DPH6: variants seen among roughly 807,000 people sequenced by gnomAD.
DPH6 encodes diphthamine biosynthesis 6.
A neutral mutation model predicts 38.2 loss-of-function variants in DPH6; 33 were observed. The ratio of observed to expected loss-of-function variants is 0.86; its 90% confidence interval spans 0.65 to 1.15. The LOEUF is 1.15. Among genes scored for constraint, DPH6 ranks in the 50% most tolerant of loss-of-function variants. The probability of loss-of-function intolerance (pLI) is 0.00; values close to 1 mark genes in which losing one functional copy is unlikely to be tolerated. For missense variants in DPH6, 325 were observed against 320.0 expected, an observed-to-expected ratio of 1.02 and a Z score of -0.12; for synonymous variants, 108 against 103.0, an observed-to-expected ratio of 1.05 and a Z score of -0.30.
chr15:35,308,859 A>C (rs539502284), intron 3 of DPH6, among the ~76,000 whole-genome samples: 1 of 152,372 alleles, frequency 6.6e-6, no homozygotes, highest in South Asian at 2.1e-4. Context: ...AGTACTGCCA[A>C]AATAAACAAG....
At position 35,447,793 on chromosome 15, in the gene DPH6, CA is replaced by C. The variant is rs1186634251; in HGVS notation, c.505+2891del. On this transcript the variant is annotated intron_variant, in intron 5 of 8. Transcript: ENST00000256538. ...TCGAGCCTAGGACCATTGGATCAGG[CA>C]AAACTAACAAAAAAAAAATCTACGA... 3.3e-5 allele frequency among the ~76,000 whole-genome samples: 5 copies of C among 150,096 alleles called. No homozygotes were observed. In the East Asian group the frequency reaches 9.7e-4, roughly 29 times the overall value.
chr15:35,148,078 TAC>T, the DPH6 span, among the ~76,000 whole-genome samples: 8 of 152,346 alleles, frequency 5.3e-5, no homozygotes, highest in Non-Finnish European at 1.2e-4. Context: ...TATATTTATC[TAC>T]AATTACTGTA....
chr15:35,401,110 G>C, intron 6 of DPH6: 1 of 912,256 alleles, frequency 1.1e-6, no homozygotes, highest in Non-Finnish European at 1.8e-6. Context: ...TGTAACCTTT[G>C]ATGACCATGA....
At chr15:35,283,223 T>C (rs2051914271) in intron 3 of DPH6, among the ~76,000 whole-genome samples, 2 of 150,164 alleles carry the variant, frequency 1.3e-5, no homozygotes, top group African/African-American at 4.9e-5. Context: ...TTCCTCTTCT[T>C]TCTTCTTTCT....
rs57530358 is a variant in DPH6, at chr15:35,397,868, TAC to T, written c.567+12965_567+12966del. Among the ~76,000 whole-genome samples, 733 of 87,292 alleles carry T rather than the reference TAC, an allele frequency of 8.4e-3. 19 individuals are homozygous for T. In the East Asian group the frequency reaches 0.1, roughly 12 times the overall value. The allele number at this position is 87,292 out of a possible 152,430, so 57.3% of individuals were successfully genotyped here. On this transcript the variant is annotated intron_variant, in intron 6 of 8. Coordinates refer to ENST00000256538, the MANE Select transcript of DPH6 (RefSeq NM_080650.4). The stretch of plus-strand genomic sequence containing the variant: ...AATAGATGGAATCAATTTATATATA[TAC>T]ACACACACACACACACACACACACA...
the DPH6 span, among the ~76,000 whole-genome samples, chr15:35,210,754 G>A: frequency 1.3e-5 from 2 of 152,066 alleles, no homozygotes; most frequent in African/African-American, 4.8e-5. Flanking sequence ...ATAGGACTAG[G>A]AGAAAGATCT....
At chr15:35,410,137 A>G (rs1040436582) in intron 6 of DPH6, among the ~76,000 whole-genome samples, 2 of 151,838 alleles carry the variant, frequency 1.3e-5, no homozygotes, top group East Asian at 3.9e-4. Flanking sequence ...CAAGAAAATG[A>G]TGACTTGTTA....
the DPH6 span, among the ~76,000 whole-genome samples, chr15:35,197,472 T>C: frequency 6.6e-6 from 1 of 152,124 alleles, no homozygotes; most frequent in African/African-American, 2.4e-5. Flanking sequence ...AAAAAAAATC[T>C]GATTAATGGC....
chr15:35,338,162 A>G (rs1396058443), intron 3 of DPH6, among the ~76,000 whole-genome samples: 1 of 152,212 alleles, frequency 6.6e-6, no homozygotes, highest in Non-Finnish European at 1.5e-5. Flanking sequence ...AATGGCAACA[A>G]AAGCCAAAAC....
At chr15:35,268,862 T>C (rs1215737010) in intron 3 of DPH6, among the ~76,000 whole-genome samples, 1 of 151,694 alleles carries the variant, frequency 6.6e-6, no homozygotes, top group Non-Finnish European at 1.5e-5. Context: ...GCTGGCAAGG[T>C]AGGAAGAGGG....
At chr15:35,535,297 T>C (rs2055152658) in intron 3 of DPH6, among the ~76,000 whole-genome samples, 1 of 152,098 alleles carries the variant, frequency 6.6e-6, no homozygotes, top group African/African-American at 2.4e-5. Flanking sequence ...CTGTCAATGA[T>C]CTGAGGAAAA....
intron 4 of DPH6, among the ~76,000 whole-genome samples, chr15:35,453,988 AT>A (rs57185950): frequency 0.071 from 10,796 of 151,864 alleles, 673 homozygotes; most frequent in African/African-American, 0.16. Flanking sequence ...ATGCAGTCCA[AT>A]TTTTTTTGTT....
chr15:35,541,427 C>G (rs11632044), intron 2 of DPH6, among the ~76,000 whole-genome samples: 8,631 of 152,186 alleles, frequency 0.057, 276 homozygotes, highest in Middle Eastern at 0.085. Context: ...GATATGATCT[C>G]TCTTCTCAAG....
At chr15:35,237,403 C>A in intron 3 of DPH6, 1 of 1,604,922 alleles carries the variant, frequency 6.2e-7, no homozygotes, top group Middle Eastern at 1.7e-4. Flanking sequence ...TCCTGGACAA[C>A]AGTCGGTCGA....
intron 3 of DPH6, among the ~76,000 whole-genome samples, chr15:35,471,491 T>C (rs2054197867): frequency 6.6e-6 from 1 of 152,192 alleles, no homozygotes; most frequent in Admixed American, 6.5e-5. Context: ...CTTCTCAAAA[T>C]CAATCCCTCC....
chr15:35,342,811 T>C, intron 3 of DPH6, among the ~76,000 whole-genome samples: 1 of 152,234 alleles, frequency 6.6e-6, no homozygotes, highest in East Asian at 1.9e-4. Flanking sequence ...TGTTTTTCTT[T>C]ATAATTTTAA....
intron 3 of DPH6, among the ~76,000 whole-genome samples, chr15:35,286,754 T>C (rs1021628350): frequency 4.6e-5 from 7 of 152,212 alleles, no homozygotes; most frequent in African/African-American, 1.7e-4. Context: ...GTGAGATGTA[T>C]ACTTATTTGA....
At chr15:35,329,614 T>G (rs2052311615), downstream of DPH6, among the ~76,000 whole-genome samples, 1 of 152,124 alleles carries the variant, frequency 6.6e-6, no homozygotes, top group Admixed American at 6.5e-5. Context: ...CTGAGTGAAC[T>G]GCTGGTAGAG....
chr15:35,434,159 G>A (rs1015535123), intron 5 of DPH6, among the ~76,000 whole-genome samples: 76 of 152,114 alleles, frequency 5.0e-4, no homozygotes, highest in African/African-American at 1.8e-3. Context: ...TTGAGTCAAA[G>A]GTCAGTCGTT....
Sources: gnomAD v4.1 joint callset for allele counts (sites outside exome capture counted in the v4.1 genomes callset) on GRCh38, gnomAD v4.1.1 for gene constraint, MANE v1.5 for transcripts, NCBI Gene and HGNC (gene_info 2026-07-23, HGNC 2026-07-21) for gene names.